The following ABCA3 variants were observed in gnomAD, a reference collection of about 807,000 sequenced individuals.
ABCA3 encodes the protein ATP binding cassette subfamily A member 3.
Under a neutral mutation model 172.8 loss-of-function variants are expected in ABCA3, and 88 were observed. The observed-to-expected ratio is 0.51, with a 90% confidence interval of 0.43 to 0.61. The LOEUF (loss-of-function observed/expected upper bound fraction) is 0.61. Among genes scored for constraint, ABCA3 ranks in the 20% least tolerant of loss-of-function variants. The pLI is 0.00. For missense variants in ABCA3, 2,164 were observed against 2,301.0 expected (o/e 0.94, Z 1.22); for synonymous variants, 1,066 against 983.8 (o/e 1.08, Z -1.56).
intron 18 of ABCA3, among the ~76,000 whole-genome samples, chr16:2,292,649 G>C (rs561229358): frequency 6.6e-6 from 1 of 152,140 alleles, no homozygotes; most frequent in African/African-American, 2.4e-5. Context: ...GCCAGGTGCA[G>C]TATCTCACAC....
intron 18 of ABCA3, among the ~76,000 whole-genome samples, chr16:2,293,643 T>C (rs1331760585): frequency 6.6e-6 from 1 of 151,528 alleles, no homozygotes; most frequent in Non-Finnish European, 1.5e-5. Context: ...CTTCATGCCA[T>C]TCTCTTGCCT....
At chr16:2,337,094 T>A (rs74707193) in intron 1 of ABCA3, among the ~76,000 whole-genome samples, 4 of 151,178 alleles carry the variant, frequency 2.6e-5, no homozygotes, top group East Asian at 1.9e-4. Flanking sequence ...TTTTTTTTTT[T>A]AGTAGAGACA....
chr16:2,296,298 T>C (rs1238781439), intron 17 of ABCA3, among the ~76,000 whole-genome samples: 1 of 152,072 alleles, frequency 6.6e-6, no homozygotes, highest in Non-Finnish European at 1.5e-5. Flanking sequence ...CTGCACAATC[T>C]TGGCTCACTG....
intron 12 of ABCA3, among the ~76,000 whole-genome samples, chr16:2,303,438 T>A (rs1199603589): frequency 1.3e-5 from 2 of 151,882 alleles, no homozygotes; most frequent in African/African-American, 4.8e-5. Context: ...GTTTTTTTTT[T>A]ATTTTTTATT....
intron 1 of ABCA3, chr16:2,332,750 T>C (rs1761974602): frequency 2.8e-6 from 3 of 1,054,360 alleles, no homozygotes; most frequent in South Asian, 2.7e-5. Context: ...CATTTCTTTA[T>C]TTGTGGTTTG....
rs1218625546 is a variant in ABCA3 at position 2,306,348 on chromosome 16, A to ATATT, written c.1285+2101_1285+2102insAATA. Reference sequence around the variant, plus strand: ...TCCAAAAAAAAATTGTTAAAAAGAAAGCAAAAGAACAAAGTTTACATTTTA... The same window carrying ATATT: ...TCCAAAAAAAAATTGTTAAAAAGAAATATTGCAAAAGAACAAAGTTTACATTTTA... On this transcript the variant is annotated intron_variant, in intron 11 of 32. Transcript: ENST00000301732. 3.9e-5 allele frequency among the ~76,000 whole-genome samples: 6 copies of ATATT among 152,320 alleles called. No individual in the cohort carries two copies. The South Asian group carries it at 1.2e-3, about 32-fold the overall frequency.
At chr16:2,282,250 T>A (rs1257848169) in intron 26 of ABCA3, among the ~76,000 whole-genome samples, 1 of 152,150 alleles carries the variant, frequency 6.6e-6, no homozygotes, top group Non-Finnish European at 1.5e-5. Context: ...GTGTGTGCCA[T>A]CATGCCTAGC....
rs576334134 is a variant in ABCA3 at position 2,281,011 on chromosome 16, C to G, written c.4359+16G>C. 1.2e-6 allele frequency: 2 copies of G among 1,613,872 alleles called. No homozygotes were observed. Among genetic ancestry groups the G allele is most frequent in the South Asian group, 2.2e-5 (2 of 91,078 alleles). The stretch of plus-strand genomic sequence containing the variant: ...TGCCTGTCTCACCCCTTCAGAGCCT[C>G]CCTGGCTGCACCCACCTTTCCGACA... On this transcript the variant is annotated intron_variant, in intron 28 of 32. Coordinates refer to ENST00000301732, the MANE Select transcript of ABCA3 (RefSeq NM_001089.3). This position sits in a 1 kb window ranked among gnomAD's most constrained non-coding sequence, Gnocchi z 4.7.
chr16:2,276,863 G>C, intron 32 of ABCA3, 58 bp from the exon 33 acceptor site: 1 of 1,604,790 alleles, frequency 6.2e-7, no homozygotes, highest in Non-Finnish European at 8.5e-7. Context: ...TCCTCTGCGG[G>C]ACCTGGGAGT....
intron 10 of ABCA3, among the ~76,000 whole-genome samples, chr16:2,310,372 C>T (rs1460499352): frequency 1.3e-5 from 2 of 151,966 alleles, no homozygotes; most frequent in African/African-American, 4.8e-5. Context: ...CGGGTCACTG[C>T]ACTCCATCCT....
At chr16:2,310,627 C>T (rs1247999121) in intron 10 of ABCA3, among the ~76,000 whole-genome samples, 2 of 151,544 alleles carry the variant, frequency 1.3e-5, no homozygotes, top group Non-Finnish European at 2.9e-5. Context: ...AGCGATTCTC[C>T]CACCTCAGCC....
In ABCA3 at chr16:2,276,901, C is replaced by G. The variant is rs1311280683; in HGVS notation, c.4984-96G>C. ...TCTGGCAATAGGGGCTGATGAGGCC[C>G]CCACAATCCTACCCCTGCCCAGCGC... On this transcript the variant is annotated intron_variant, in intron 32 of 32. Transcript: ENST00000301732. 5.2e-6 allele frequency: 8 copies of G among 1,534,972 alleles called. No homozygotes were observed. In the South Asian group the frequency reaches 9.1e-5, roughly 17 times the overall value.
intron 28 of ABCA3, among the ~76,000 whole-genome samples, chr16:2,280,311 T>C (rs2093653076): frequency 6.6e-6 from 1 of 152,260 alleles, no homozygotes; most frequent in African/African-American, 2.4e-5. Context: ...CCTATGTGCT[T>C]GTCCCCCCAT....
rs1366289984 is a variant in ABCA3, at chr16:2,300,118, C to A, written c.1498G>T (p.Val500Phe). Residue 500 changes from valine (V) to phenylalanine (F), a missense_variant, in exon 13 of 33, where the codon GTT becomes TTT. This residue lies in a region of ABCA3 where 1,343 missense variants were observed against 1,369.6 expected (regional missense o/e 0.98). Coordinates refer to ENST00000301732, the MANE Select transcript of ABCA3 (RefSeq NM_001089.3). ...CTGTCTTCTTCCTCCTTCCCTGCAA[C>A]CGCCCTTGGCTTCCCACACCAATAG... is the stretch of plus-strand genomic sequence containing the variant. ...PSYWCGKPRA[V>F]AGKEEEDSDP... 1 of 1,613,684 alleles carries A rather than the reference C, an allele frequency of 6.2e-7. No individual in the cohort carries two copies. Among genetic ancestry groups the A allele is most frequent in the Non-Finnish European group, 8.5e-7 (1 of 1,179,972 alleles).
At chr16:2,292,860 CAGG>C (rs2093674189) in intron 18 of ABCA3, among the ~76,000 whole-genome samples, 2 of 151,922 alleles carry the variant, frequency 1.3e-5, no homozygotes, top group Non-Finnish European at 2.9e-5. Flanking sequence ...GAGGCTGAGG[CAGG>C]AGAATTGCTT....
chr16:2,285,652 G>A lies in ABCA3; in HGVS notation c.3279-6C>T, dbSNP rs765498790. 1.9e-5 allele frequency: 29 copies of A among 1,551,618 alleles called. No homozygotes were observed. The Middle Eastern group carries it at 1.0e-3, about 53-fold the overall frequency. On this transcript the variant is annotated splice_polypyrimidine_tract_variant and splice_region_variant and intron_variant, in intron 22 of 32. Coordinates refer to ENST00000301732, the MANE Select transcript of ABCA3 (RefSeq NM_001089.3). The surrounding 1 kb of genome is among the most constrained non-coding windows in gnomAD (Gnocchi z 4.7). ...TGTCGAATCCCTTCCGGCCCCTGCG[G>A]GGGACAGAGAAGGTCAGGGACGGAG...
At chr16:2,308,997 G>C (rs1296233319) in intron 10 of ABCA3, among the ~76,000 whole-genome samples, 1 of 151,826 alleles carries the variant, frequency 6.6e-6, no homozygotes, top group Non-Finnish European at 1.5e-5. Flanking sequence ...CCAGGCTGGA[G>C]TGCAGTGGCA....
At position 2,298,780 on chromosome 16, in the gene ABCA3, A is replaced by G. The variant is rs323042; in HGVS notation, c.1742-240T>C. On this transcript the variant is annotated intron_variant, in intron 14 of 32. Transcript: ENST00000301732. The stretch of plus-strand genomic sequence containing the variant: ...GCTGGTCAGGGAGGAGAAACCCACG[A>G]CACACACACACAGAGTCACCACAAT... Among the ~76,000 whole-genome samples the G allele has an allele frequency of 0.29, 44,391 of 151,772 alleles. 7,009 individuals carry two copies. The highest frequency in any genetic ancestry group is 0.38 in the African/African-American group (15,678 of 41,382).
At position 2,319,647 on chromosome 16, in the gene ABCA3, GAGC is replaced by G. The variant is rs758339545; in HGVS notation, c.804_806del (p.Leu269del). The G allele has an allele frequency of 1.9e-6, 3 of 1,613,732 alleles. No individual in the cohort carries two copies. ...TGGTGAGCGCGGTGTAGGTGAAGCT[GAGC>G]AGCAGCAGCAGGGGCAGCTGGTACT... On this transcript the variant is annotated inframe_deletion, in exon 8 of 33. Transcript: ENST00000301732.
Sources: gnomAD v4.1 joint callset for allele counts (sites outside exome capture counted in the v4.1 genomes callset) on GRCh38, gnomAD v4.1.1 for gene constraint, gnomAD v4.1.1 regional missense constraint, Gnocchi (gnomAD v3.1) non-coding constraint, MANE v1.5 for transcripts, NCBI Gene and HGNC (gene_info 2026-07-23, HGNC 2026-07-21) for gene names.